Variants in CLMN observed in about 807,000 individuals in gnomAD.
CLMN encodes calmin.
Under a neutral mutation model 92.7 loss-of-function variants are expected in CLMN, and 57 were observed. The ratio of observed to expected loss-of-function variants is 0.61; its 90% CI spans 0.50 to 0.77. The LOEUF (loss-of-function observed/expected upper bound fraction) is 0.77, where lower values mean the gene tolerates loss of function less well. CLMN is among the 30% of genes least tolerant of loss of function. The probability of loss-of-function intolerance (pLI) is 0.00; values close to 1 mark genes in which losing one functional copy is unlikely to be tolerated. For synonymous variants in CLMN, 466 were observed against 470.6 expected (o/e 0.99, Z 0.13); for missense variants, 1,158 against 1,237.5 (o/e 0.94, Z 0.96).
intron 1 of CLMN, among the ~76,000 whole-genome samples, chr14:95,276,050 C>T (rs977527881): frequency 6.6e-5 from 10 of 152,214 alleles, no homozygotes; most frequent in Non-Finnish European, 2.9e-5. Flanking sequence ...CAAGAACTCT[C>T]TCTTGGGGTC....
intron 1 of CLMN, among the ~76,000 whole-genome samples, chr14:95,232,748 G>C (rs1300713488): frequency 1.3e-4 from 20 of 152,226 alleles, no homozygotes; most frequent in Admixed American, 1.2e-3. Flanking sequence ...GAAGCTCAGA[G>C]AGTGTCTGTC....
At chr14:95,235,485 C>T (rs1283103170) in intron 1 of CLMN, among the ~76,000 whole-genome samples, 1 of 152,206 alleles carries the variant, frequency 6.6e-6, no homozygotes, top group South Asian at 2.1e-4. Flanking sequence ...GAGCCAGACA[C>T]ACAGGCTCCA....
intron 1 of CLMN, among the ~76,000 whole-genome samples, chr14:95,311,270 T>C (rs541451806): frequency 5.3e-5 from 8 of 152,206 alleles, no homozygotes; most frequent in South Asian, 2.1e-4. Flanking sequence ...CTTTTAAGTA[T>C]GTCATACCAT....
rs74655415 is a variant in CLMN, at chr14:95,205,229, A to C, written c.886-766T>G. Among the ~76,000 whole-genome samples, 118 of 152,324 alleles carry C rather than the reference A, an allele frequency of 7.7e-4. 1 individual carries two copies. The highest frequency in any genetic ancestry group is 1.6e-3 in the Non-Finnish European group (106 of 68,016). ...GTTTGGGAAAGGGCTGTATTTCCTG[A>C]GGGAAAAAAATGACATCTGCTTCAA... On this transcript the variant is annotated intron_variant, in intron 8 of 12. Transcript: ENST00000298912.
intron 1 of CLMN, among the ~76,000 whole-genome samples, chr14:95,317,411 T>C (rs996009251): frequency 2.0e-5 from 3 of 152,170 alleles, no homozygotes; most frequent in Admixed American, 1.3e-4. Context: ...ACAGTGCTAA[T>C]GCCCCCAAAA....
In CLMN at chr14:95,194,375, G is replaced by T; in HGVS notation, c.2769+161C>A. ...TATTGCCCAAACCGGATATCCGATCGGACTGTGCTTAATGATAAGGTTCCA... is the reference window on the plus strand; with the variant it reads ...TATTGCCCAAACCGGATATCCGATCTGACTGTGCTTAATGATAAGGTTCCA... On this transcript the variant is annotated intron_variant, in intron 11 of 12. Coordinates refer to ENST00000298912, the MANE Select transcript of CLMN (RefSeq NM_024734.4). The surrounding 1 kb of genome is among the most constrained non-coding windows in gnomAD (Gnocchi z 4.0). 4.8e-6 allele frequency: 7 copies of T among 1,473,358 alleles called. No individual in the cohort carries two copies. Among genetic ancestry groups the T allele is most frequent in the Non-Finnish European group, 6.3e-6 (7 of 1,110,126 alleles). 91.3% of individuals were successfully genotyped at this position (1,473,358 alleles called of 1,614,324 possible). A position where few individuals can be genotyped will look rare whatever the true frequency, so the allele number is the denominator to read the frequency against.
At chr14:95,307,168 G>T (rs77261988) in intron 1 of CLMN, among the ~76,000 whole-genome samples, 7,148 of 152,206 alleles carry the variant, frequency 0.047, 192 homozygotes, top group Middle Eastern at 0.089. Context: ...GACATGGTCG[G>T]GCTCACAGCT....
intron 1 of CLMN, among the ~76,000 whole-genome samples, chr14:95,243,162 G>C (rs1898323051): frequency 6.6e-6 from 1 of 152,206 alleles, no homozygotes; most frequent in South Asian, 2.1e-4. Context: ...AAGATTCACT[G>C]CCTGATTTAA....
intron 4 of CLMN, among the ~76,000 whole-genome samples, chr14:95,216,701 T>G (rs1201822076): frequency 1.3e-5 from 2 of 152,224 alleles, no homozygotes; most frequent in African/African-American, 4.8e-5. Flanking sequence ...TCCCACTGAT[T>G]AGTTAAAATG....
At chr14:95,307,928 C>G (rs1901356708) in intron 1 of CLMN, among the ~76,000 whole-genome samples, 1 of 152,202 alleles carries the variant, frequency 6.6e-6, no homozygotes, top group Non-Finnish European at 1.5e-5. Context: ...CGGAGCCCCT[C>G]TGACCTCGGA....
At chr14:95,263,819 G>A (rs1899356832) in intron 1 of CLMN, among the ~76,000 whole-genome samples, 1 of 152,150 alleles carries the variant, frequency 6.6e-6, no homozygotes, top group Non-Finnish European at 1.5e-5. Context: ...GGGTTGTTGT[G>A]AGGATTAAAT....
intron 1 of CLMN, among the ~76,000 whole-genome samples, chr14:95,250,469 A>G (rs899518488): frequency 6.6e-6 from 1 of 152,228 alleles, no homozygotes; most frequent in African/African-American, 2.4e-5. Context: ...TTCCAACTCC[A>G]TTCTCTCATG....
chr14:95,248,380 T>G (rs1898655203), intron 1 of CLMN, among the ~76,000 whole-genome samples: 1 of 152,176 alleles, frequency 6.6e-6, no homozygotes. Context: ...ATATTTCTGA[T>G]CCCCATCTTG....
intron 6 of CLMN, among the ~76,000 whole-genome samples, chr14:95,211,608 G>A (rs192241684): frequency 6.7e-6 from 1 of 149,058 alleles, no homozygotes; most frequent in East Asian, 2.0e-4. Flanking sequence ...AATCTATCCT[G>A]AGACTCCACC....
At chr14:95,220,335 C>T (rs1897494174) in intron 4 of CLMN, among the ~76,000 whole-genome samples, 1 of 152,080 alleles carries the variant, frequency 6.6e-6, no homozygotes, top group African/African-American at 2.4e-5. Context: ...CACGACCGTG[C>T]CCAGCTAATT....
intron 8 of CLMN, among the ~76,000 whole-genome samples, chr14:95,208,184 TG>T (rs1897097761): frequency 6.6e-6 from 1 of 152,206 alleles, no homozygotes; most frequent in Non-Finnish European, 1.5e-5. Flanking sequence ...GTTACGTTTT[TG>T]CTCACTTATA....
chr14:95,230,562 G>A (rs1171721806), intron 1 of CLMN, among the ~76,000 whole-genome samples: 1 of 152,218 alleles, frequency 6.6e-6, no homozygotes, highest in Non-Finnish European at 1.5e-5. Flanking sequence ...CGATAATTAG[G>A]AATTGGATAG....
Position 95,259,544 on chromosome 14 carries a change from C to A in CLMN, c.83-29411G>T, listed in dbSNP as rs1899167539. On this transcript the variant is annotated intron_variant, in intron 1 of 12. Coordinates refer to ENST00000298912, the MANE Select transcript of CLMN (RefSeq NM_024734.4). This position sits in a 1 kb window ranked among gnomAD's most constrained non-coding sequence, Gnocchi z 4.3. Reference sequence around the variant, plus strand: ...GAGACAGGCTGTAGTTCCCACAGAGCTGCTGGGAGCAGGCCAGGGAAACGA... The same window carrying A: ...GAGACAGGCTGTAGTTCCCACAGAGATGCTGGGAGCAGGCCAGGGAAACGA... Among the ~76,000 whole-genome samples the A allele has an allele frequency of 6.6e-6, 1 of 152,166 alleles. No individual in the cohort carries two copies. The highest frequency in any genetic ancestry group is 2.4e-5 in the African/African-American group (1 of 41,418).
intron 1 of CLMN, among the ~76,000 whole-genome samples, chr14:95,241,660 A>C (rs1898245751): frequency 6.6e-6 from 1 of 152,192 alleles, no homozygotes; most frequent in Admixed American, 6.5e-5. Context: ...GTTAATTAGC[A>C]CAAGAGAGAC....
Sources: gnomAD v4.1 joint callset for allele counts (sites outside exome capture counted in the v4.1 genomes callset) on GRCh38, gnomAD v4.1.1 for gene constraint, Gnocchi (gnomAD v3.1) non-coding constraint, MANE v1.5 for transcripts, NCBI Gene and HGNC (gene_info 2026-07-23, HGNC 2026-07-21) for gene names.